Variants in TMEM132C observed in about 807,000 individuals in gnomAD.
The protein encoded by TMEM132C is protein phosphatase 1, regulatory subunit 152.
Under a neutral mutation model 61.4 loss-of-function variants are expected in TMEM132C, and 29 were observed. The ratio of observed to expected loss-of-function variants is 0.47; its 90% CI spans 0.35 to 0.64. The LOEUF is 0.64. Among genes scored for constraint, TMEM132C ranks in the 30% least tolerant of loss-of-function variants. TMEM132C has a pLI of 0.00. For missense variants in TMEM132C, 1,408 were observed against 1,476.9 expected, an observed-to-expected ratio of 0.95 and a Z score of 0.76; for synonymous variants, 656 against 633.1, an observed-to-expected ratio of 1.04 and a Z score of -0.54.
intron 2 of TMEM132C, among the ~76,000 whole-genome samples, chr12:128,426,242 C>T (rs949788411): frequency 6.6e-6 from 1 of 152,188 alleles, no homozygotes; most frequent in African/African-American, 2.4e-5. Flanking sequence ...GCATGCATGC[C>T]GTTATAGCTT....
intron 2 of TMEM132C, among the ~76,000 whole-genome samples, chr12:128,540,874 A>C (rs2136144915): frequency 6.6e-6 from 1 of 152,134 alleles, no homozygotes; most frequent in East Asian, 1.9e-4. Context: ...ACTCCCCAGG[A>C]CTGCTCCCCA....
rs531938101 is a variant in TMEM132C at position 128,626,115 on chromosome 12, A to ATTTC, written c.1305+9792_1305+9795dup. Among the ~76,000 whole-genome samples, 116 of 149,546 alleles carry ATTTC rather than the reference A, an allele frequency of 7.8e-4. 1 individual carries two copies. Among genetic ancestry groups the ATTTC allele is most frequent in the African/African-American group, 1.3e-3 (53 of 40,558 alleles). ...AGTTATTTTGAATTTTGGTAACTGC[A>ATTTC]TTTCTTTCTTTCTTTTTTTTTTTTT... On this transcript the variant is annotated intron_variant, in intron 4 of 8. Transcript: ENST00000435159.
chr12:128,362,829 A>G (rs1873748949), intron 1 of TMEM132C, among the ~76,000 whole-genome samples: 2 of 152,254 alleles, frequency 1.3e-5, no homozygotes, highest in Non-Finnish European at 2.9e-5. Context: ...CTTGCAAAAG[A>G]CATAGGATTT....
intron 3 of TMEM132C, among the ~76,000 whole-genome samples, chr12:128,608,987 G>A (rs541453135): frequency 6.6e-6 from 1 of 152,246 alleles, no homozygotes; most frequent in South Asian, 2.1e-4. Context: ...GTAGAGAGAA[G>A]TGAAATGTGG....
intron 1 of TMEM132C, among the ~76,000 whole-genome samples, chr12:128,380,708 G>T (rs1305751857): frequency 4.6e-5 from 7 of 152,144 alleles, no homozygotes; most frequent in Non-Finnish European, 1.0e-4. Context: ...TCTAGGACTT[G>T]CAAACCTGCC....
intron 1 of TMEM132C, among the ~76,000 whole-genome samples, chr12:128,358,184 G>A (rs1873580443): frequency 6.6e-6 from 1 of 152,180 alleles, no homozygotes; most frequent in Non-Finnish European, 1.5e-5. Context: ...AGGGAGTGGA[G>A]AAGGGAAAGG....
chr12:128,671,274 G>T lies in TMEM132C; in HGVS notation c.1449+1714G>T, dbSNP rs543602114. ...CCAGAAACGGCTTGCCTAGAGTAAT[G>T]TGTGCTCTAGAGTCTTAAGTTTTTT... On this transcript the variant is annotated intron_variant, in intron 5 of 8. Coordinates refer to ENST00000435159, the MANE Select transcript of TMEM132C (RefSeq NM_001136103.3). Among the ~76,000 whole-genome samples, 129 of 152,250 alleles carry T rather than the reference G, an allele frequency of 8.5e-4. 1 individual carries two copies. Among genetic ancestry groups the T allele is most frequent in the Non-Finnish European group, 1.5e-3 (101 of 68,016 alleles).
intron 1 of TMEM132C, among the ~76,000 whole-genome samples, chr12:128,402,916 G>A (rs1296517511): frequency 3.3e-5 from 5 of 152,188 alleles, no homozygotes; most frequent in Non-Finnish European, 5.9e-5. Context: ...GTACTTCTAG[G>A]AGTCTGACTG....
intron 2 of TMEM132C, among the ~76,000 whole-genome samples, chr12:128,457,543 T>G (rs1217222435): frequency 6.8e-6 from 1 of 147,928 alleles, no homozygotes; most frequent in Non-Finnish European, 1.5e-5. Context: ...GCCACTGCAC[T>G]CCAGCCTGGG....
chr12:128,545,514 G>A (rs1432069889), intron 3 of TMEM132C, among the ~76,000 whole-genome samples: 3 of 152,204 alleles, frequency 2.0e-5, no homozygotes, highest in Non-Finnish European at 4.4e-5. Flanking sequence ...GTAGTTCTGA[G>A]TTCTTTGAGA....
At chr12:128,601,251 A>T (rs1876176207) in intron 3 of TMEM132C, among the ~76,000 whole-genome samples, 1 of 152,060 alleles carries the variant, frequency 6.6e-6, no homozygotes, top group South Asian at 2.1e-4. Flanking sequence ...AGAGAGGCCT[A>T]CTCCCTTCTT....
intron 3 of TMEM132C, among the ~76,000 whole-genome samples, chr12:128,594,368 A>G (rs1202756303): frequency 3.1e-5 from 2 of 64,446 alleles, no homozygotes; most frequent in African/African-American, 1.3e-4. Flanking sequence ...CCTGCCCCCC[A>G]ACCCCACACA....
At chr12:128,646,634 G>A (rs1426960764) in intron 4 of TMEM132C, among the ~76,000 whole-genome samples, 1 of 152,166 alleles carries the variant, frequency 6.6e-6, no homozygotes, top group Non-Finnish European at 1.5e-5. Context: ...CTGGATGTGA[G>A]TGTGTTTAGC....
At chr12:128,392,064 T>TCTCTCTCTCTCTCTC (rs1555222005) in intron 1 of TMEM132C, among the ~76,000 whole-genome samples, 16 of 130,494 alleles carry the variant, frequency 1.2e-4, no homozygotes, top group African/African-American at 5.2e-4. Context: ...CTCTCTCTCT[T>TCTCTCTCTCTCTCTC]TCTCTCTCTC....
intron 4 of TMEM132C, among the ~76,000 whole-genome samples, chr12:128,621,147 G>A (rs1257205068): frequency 6.6e-6 from 1 of 152,094 alleles, no homozygotes; most frequent in Non-Finnish European, 1.5e-5. Flanking sequence ...CAGCCCCCAG[G>A]CTCCCTTGCC....
intron 1 of TMEM132C, among the ~76,000 whole-genome samples, chr12:128,374,824 G>C (rs1874137992): frequency 6.6e-6 from 1 of 151,640 alleles, no homozygotes; most frequent in Non-Finnish European, 1.5e-5. Flanking sequence ...GGAGGCTGAG[G>C]AAGGAGAATC....
At chr12:128,552,874 C>G (rs754559452) in intron 3 of TMEM132C, among the ~76,000 whole-genome samples, 2 of 152,154 alleles carry the variant, frequency 1.3e-5, no homozygotes, top group African/African-American at 4.8e-5. Context: ...CACCAGTACA[C>G]TCTAGCTTGG....
intron 4 of TMEM132C, among the ~76,000 whole-genome samples, chr12:128,666,797 TC>T (rs1208633896): frequency 6.6e-6 from 1 of 152,248 alleles, no homozygotes; most frequent in Non-Finnish European, 1.5e-5. Context: ...AATTCTCTGC[TC>T]CTGAAATTGA....
At chr12:128,400,785 T>C (rs980013176) in intron 1 of TMEM132C, among the ~76,000 whole-genome samples, 5 of 151,906 alleles carry the variant, frequency 3.3e-5, no homozygotes, top group Admixed American at 3.3e-4. Context: ...ATTTTTGCAT[T>C]TTTTTGTGGA....
Sources: gnomAD v4.1 joint callset for allele counts (sites outside exome capture counted in the v4.1 genomes callset) on GRCh38, gnomAD v4.1.1 for gene constraint, MANE v1.5 for transcripts, NCBI Gene and HGNC (gene_info 2026-07-23, HGNC 2026-07-21) for gene names.